GRIP1: variants seen among roughly 807,000 people sequenced by gnomAD.
GRIP1 encodes the protein glutamate receptor-interacting protein 1.
Under a neutral mutation model 129.9 loss-of-function variants are expected in GRIP1, and 45 were observed. That is an observed-to-expected ratio of 0.35 (90% CI 0.27 to 0.44). The LOEUF is 0.44. Among genes scored for constraint, GRIP1 ranks in the 20% least tolerant of loss-of-function variants. GRIP1 has a pLI of 1.00. For synonymous variants in GRIP1, 530 were observed against 520.8 expected, an observed-to-expected ratio of 1.02 and a Z score of -0.24; for missense variants, 1,196 against 1,396.8, an observed-to-expected ratio of 0.86 and a Z score of 2.29.
At chr12:66,669,298 G>T (rs536037911) in intron 1 of GRIP1, among the ~76,000 whole-genome samples, 50 of 152,232 alleles carry the variant, frequency 3.3e-4, no homozygotes, top group African/African-American at 1.2e-3. Flanking sequence ...TGAGGCAAGA[G>T]AATCACTTGA....
intron 1 of GRIP1, among the ~76,000 whole-genome samples, chr12:66,913,014 C>T (rs2041056712): frequency 6.6e-6 from 1 of 152,062 alleles, no homozygotes; most frequent in Admixed American, 6.6e-5. Context: ...AATTAACACT[C>T]CATTATAGAA....
intron 1 of GRIP1, among the ~76,000 whole-genome samples, chr12:66,975,896 T>A (rs568532438): frequency 2.0e-5 from 3 of 152,340 alleles, no homozygotes; most frequent in Admixed American, 6.5e-5. Flanking sequence ...GGAGCCAGAC[T>A]GATTCCCAAG....
upstream of GRIP1, among the ~76,000 whole-genome samples, chr12:66,683,784 C>G (rs189116537): frequency 1.4e-3 from 211 of 152,290 alleles, 1 homozygote; most frequent in African/African-American, 4.9e-3. Flanking sequence ...AGAAATTCAT[C>G]AGCTAAAAGC....
At position 66,348,839 on chromosome 12, in the gene GRIP1, A is replaced by T. The variant is rs1415435415; in HGVS notation, c.*180T>A. ...TATACCATAGTGGTCACCAAAAAAG[A>T]AACCTCTTCAACTTGAAAAGGGAAG... is the stretch of plus-strand genomic sequence containing the variant. On this transcript the variant is annotated 3_prime_UTR_variant, in exon 25 of 25. Coordinates refer to ENST00000359742, the MANE Select transcript of GRIP1 (RefSeq NM_001366722.1). 1 of 644,772 alleles carries T rather than the reference A, an allele frequency of 1.6e-6. No individual in the cohort carries two copies. The highest frequency in any genetic ancestry group is 2.8e-6 in the Non-Finnish European group (1 of 361,624). 39.9% of individuals were successfully genotyped at this position (644,772 alleles called of 1,614,324 possible).
intron 1 of GRIP1, among the ~76,000 whole-genome samples, chr12:66,964,469 C>T (rs1372595799): frequency 6.6e-6 from 1 of 152,060 alleles, no homozygotes; most frequent in East Asian, 1.9e-4. Context: ...GAATTCATCC[C>T]TATTGAGCTA....
intron 14 of GRIP1, among the ~76,000 whole-genome samples, chr12:66,432,093 GA>G (rs2058165494): frequency 6.6e-6 from 1 of 151,874 alleles, no homozygotes; most frequent in African/African-American, 2.4e-5. Flanking sequence ...AATACACTGT[GA>G]ATTAATATAC....
chr12:66,660,095 T>A (rs114628980), intron 1 of GRIP1, among the ~76,000 whole-genome samples: 1 of 152,184 alleles, frequency 6.6e-6, no homozygotes, highest in Non-Finnish European at 1.5e-5. Context: ...CCTAAATGCA[T>A]AAAATGTGAC....
At chr12:66,918,319 C>T (rs895997063) in intron 1 of GRIP1, among the ~76,000 whole-genome samples, 4 of 151,248 alleles carry the variant, frequency 2.6e-5, no homozygotes, top group African/African-American at 7.3e-5. Flanking sequence ...GAAGAGTCAA[C>T]CTTTTTATTC....
chr12:66,867,598 T>C (rs2040228104), intron 1 of GRIP1, among the ~76,000 whole-genome samples: 1 of 152,200 alleles, frequency 6.6e-6, no homozygotes, highest in Non-Finnish European at 1.5e-5. Context: ...GTTATAATTA[T>C]CTTGTCAACA....
At chr12:66,420,370 A>C (rs1177341677) in intron 15 of GRIP1, among the ~76,000 whole-genome samples, 1 of 149,704 alleles carries the variant, frequency 6.7e-6, no homozygotes, top group African/African-American at 2.5e-5. Flanking sequence ...TGCACAACTT[A>C]TCACCTCTGT....
intron 1 of GRIP1, among the ~76,000 whole-genome samples, chr12:66,639,169 C>T (rs540003920): frequency 6.6e-6 from 1 of 152,180 alleles, no homozygotes; most frequent in South Asian, 2.1e-4. Flanking sequence ...ATTCCTATTA[C>T]TATTAGTATA....
At chr12:66,537,675 C>T (rs1000170126) in intron 4 of GRIP1, among the ~76,000 whole-genome samples, 1 of 152,082 alleles carries the variant, frequency 6.6e-6, no homozygotes, top group African/African-American at 2.4e-5. Context: ...ACTTATTGCA[C>T]AGAACTTACA....
At chr12:66,629,228 T>C (rs912067764) in intron 1 of GRIP1, among the ~76,000 whole-genome samples, 1 of 152,234 alleles carries the variant, frequency 6.6e-6, no homozygotes, top group Non-Finnish European at 1.5e-5. Flanking sequence ...ATTAGGATAT[T>C]CTTGGGAAGT....
chr12:66,488,007 T>C (rs2138637726), intron 7 of GRIP1, among the ~76,000 whole-genome samples: 1 of 152,264 alleles, frequency 6.6e-6, no homozygotes, highest in South Asian at 2.1e-4. Flanking sequence ...CAGAGAGACT[T>C]AGACTCCCAC....
intron 14 of GRIP1, 33 bp downstream of exon 14, chr12:66,432,515 A>T (rs1258296610): frequency 3.1e-6 from 4 of 1,309,284 alleles, no homozygotes; most frequent in Non-Finnish European, 4.4e-6. Context: ...TAATGCCTTT[A>T]AAAATTATTT....
intron 1 of GRIP1, among the ~76,000 whole-genome samples, chr12:66,885,210 G>T (rs2040545132): frequency 6.6e-6 from 1 of 152,128 alleles, no homozygotes; most frequent in Non-Finnish European, 1.5e-5. Context: ...ACTCTCAGTG[G>T]TGCCTCACGC....
At chr12:66,410,669 ACAG>A (rs2057369897) in intron 15 of GRIP1, among the ~76,000 whole-genome samples, 1 of 47,960 alleles carries the variant, frequency 2.1e-5, no homozygotes, top group Non-Finnish European at 1.2e-4. Context: ...AAACAAACAA[ACAG>A]ACAAACAATG....
intron 7 of GRIP1, among the ~76,000 whole-genome samples, chr12:66,483,766 C>T (rs2059873235): frequency 2.0e-5 from 3 of 152,174 alleles, no homozygotes; most frequent in Admixed American, 2.0e-4. Flanking sequence ...ATCTGTGTAA[C>T]CACACCAAGA....
chr12:66,718,024 A>T (rs1436743879), intron 1 of GRIP1, among the ~76,000 whole-genome samples: 2 of 152,066 alleles, frequency 1.3e-5, no homozygotes, highest in Non-Finnish European at 2.9e-5. Context: ...ATCACAACAC[A>T]GTTTCCATGG....
Sources: allele counts gnomAD v4.1 joint callset (sites outside exome capture counted in the v4.1 genomes callset), GRCh38; gene constraint gnomAD v4.1.1; transcripts MANE v1.5; gene names NCBI Gene and HGNC (gene_info 2026-07-23, HGNC 2026-07-21).